Variants in HDAC8 observed in about 807,000 individuals in gnomAD.
HDAC8 encodes histone deacetylase 8.
A neutral mutation model predicts 32.2 loss-of-function variants in HDAC8; 1 was observed. The observed-to-expected ratio is 0.03, with a 90% CI of 0.01 to 0.15. The LOEUF (loss-of-function observed/expected upper bound fraction) is 0.15. Ranked by LOEUF, HDAC8 falls within the 10% of genes least tolerant of loss-of-function variation. The probability of loss-of-function intolerance (pLI) is 1.00; values close to 1 mark genes in which losing one functional copy is unlikely to be tolerated. For synonymous variants in HDAC8, 108 were observed against 113.9 expected (o/e 0.95, Z 0.33); for missense variants, 117 against 300.0 (o/e 0.39, Z 4.51).
At chrX:72,571,926 CT>C (rs1385138934) in intron 2 of HDAC8, 130 bp downstream of exon 2, 3 of 544,677 alleles carry the variant, frequency 5.5e-6, no homozygotes, top group Non-Finnish European at 8.6e-6. Context: ...ATTACAAACA[CT>C]GTGAATACTT....
intron 9 of HDAC8, among the ~76,000 whole-genome samples, chrX:72,447,353 T>C (rs187941342): frequency 1.0e-3 from 115 of 112,135 alleles, no homozygotes; most frequent in Admixed American, 3.1e-3. Flanking sequence ...ATTATCTCAA[T>C]AGATGCAGAA....
intron 10 of HDAC8, among the ~76,000 whole-genome samples, chrX:72,340,565 AAAAACCTAAATGC>A (rs2043861623): frequency 9.1e-6 from 1 of 109,671 alleles, no homozygotes; most frequent in South Asian, 3.8e-4. Context: ...CTCTTGCACA[AAAAACCTAAATGC>A]TAATATCCCC....
At chrX:72,459,592 T>C in intron 9 of HDAC8, among the ~76,000 whole-genome samples, 1 of 111,506 alleles carries the variant, frequency 9.0e-6, no homozygotes, top group African/African-American at 3.3e-5. Context: ...TACTCCTTTG[T>C]ATCCCCTTTA....
At chrX:72,337,430 C>CT (rs1316442871) in intron 10 of HDAC8, among the ~76,000 whole-genome samples, 2 of 110,403 alleles carry the variant, frequency 1.8e-5, no homozygotes, top group Admixed American at 9.6e-5. Context: ...TCCTCTTGTG[C>CT]TTTTTTTTTC....
intron 9 of HDAC8, among the ~76,000 whole-genome samples, chrX:72,456,582 T>C (rs1165707700): frequency 9.0e-6 from 1 of 111,599 alleles, no homozygotes; most frequent in Non-Finnish European, 1.9e-5. Flanking sequence ...GCGAATTACT[T>C]GAGGTCAGGA....
chrX:72,329,942 T>G lies in HDAC8; in HGVS notation c.*112A>C. ...CCCTTGGAAATTTTCAGGAAGTAAT[T>G]TCTTTCAAATTTTCCCTGCAGTCAC... is the stretch of plus-strand genomic sequence containing the variant. On this transcript the variant is annotated 3_prime_UTR_variant, in exon 11 of 11. Coordinates refer to ENST00000373573, the MANE Select transcript of HDAC8 (RefSeq NM_018486.3). The G allele has an allele frequency of 1.1e-6, 1 of 906,415 alleles. No homozygotes were observed. The highest frequency in any genetic ancestry group is 2.0e-5 in the African/African-American group (1 of 50,923). 74.7% of individuals were successfully genotyped at this position (906,415 alleles called of 1,213,427 possible). A position where few individuals can be genotyped will look rare whatever the true frequency, so the allele number is the denominator to read the frequency against.
At chrX:72,471,877 T>C (rs891839314) in intron 7 of HDAC8, among the ~76,000 whole-genome samples, 11 of 111,282 alleles carry the variant, frequency 9.9e-5, no homozygotes, top group Non-Finnish European at 1.7e-4. Flanking sequence ...TATTTCTTCT[T>C]TTTTTGCTTA....
At chrX:72,572,198 T>C in intron 1 of HDAC8, 89 bp from the exon 2 acceptor site, 2 of 896,325 alleles carry the variant, frequency 2.2e-6, no homozygotes, top group East Asian at 3.4e-5. Context: ...AATCTCACCA[T>C]CCTGAACAAA....
chrX:72,567,818 G>A (rs782774585), intron 4 of HDAC8, 71 bp downstream of exon 4: 4 of 1,208,623 alleles, frequency 3.3e-6, no homozygotes, highest in African/African-American at 1.7e-5. Context: ...AATACAATAA[G>A]CATAAGAGTT....
chrX:72,533,162 G>A (rs1333439058), intron 4 of HDAC8, among the ~76,000 whole-genome samples: 1 of 111,636 alleles, frequency 9.0e-6, no homozygotes, highest in African/African-American at 3.3e-5. Context: ...GCCAAAAATT[G>A]ACCATGGATG....
chrX:72,337,725 T>A (rs1234027657), intron 10 of HDAC8, among the ~76,000 whole-genome samples: 1 of 111,533 alleles, frequency 9.0e-6, no homozygotes, highest in Non-Finnish European at 1.9e-5. Context: ...ACAGACCACA[T>A]CACTCCTATG....
intron 9 of HDAC8, among the ~76,000 whole-genome samples, chrX:72,443,752 T>C (rs1415236957): frequency 9.3e-6 from 1 of 107,649 alleles, no homozygotes; most frequent in East Asian, 2.9e-4. Context: ...CAGGAGCTGG[T>C]TTTTTGAAAG....
intron 9 of HDAC8, among the ~76,000 whole-genome samples, chrX:72,456,264 A>G (rs2047714020): frequency 8.9e-6 from 1 of 111,899 alleles, no homozygotes; most frequent in South Asian, 3.7e-4. Context: ...TTGTGCTAAT[A>G]TATGCTGGAT....
chrX:72,343,876 T>G (rs782263255), intron 10 of HDAC8, among the ~76,000 whole-genome samples: 4 of 112,994 alleles, frequency 3.5e-5, no homozygotes, highest in Non-Finnish European at 5.6e-5. Context: ...ACTAAATGGT[T>G]ACTGTTAGGC....
In HDAC8 at chrX:72,570,666, T is replaced by C. The variant is rs782428457; in HGVS notation, c.164+1391A>G. Among the ~76,000 whole-genome samples the C allele has an allele frequency of 1.9e-4, 21 of 109,445 alleles. No individual in the cohort carries two copies. In the South Asian group the frequency reaches 8.4e-3, roughly 44 times the overall value. On this transcript the variant is annotated intron_variant, in intron 2 of 10. Coordinates refer to ENST00000373573, the MANE Select transcript of HDAC8 (RefSeq NM_018486.3). ...AAAAGGTACAAAATGATTTTGTTAA[T>C]AATAAGGATAAAATCTGAAAGCCTA...
intron 4 of HDAC8, among the ~76,000 whole-genome samples, chrX:72,502,139 G>T (rs978625910): frequency 8.9e-6 from 1 of 111,854 alleles, no homozygotes; most frequent in African/African-American, 3.3e-5. Context: ...TGGCGAGGTT[G>T]CAGAGAAAAG....
chrX:72,417,583 T>C (rs2046380195), intron 9 of HDAC8, among the ~76,000 whole-genome samples: 1 of 111,813 alleles, frequency 8.9e-6, no homozygotes, highest in African/African-American at 3.2e-5. Flanking sequence ...CACAAACAAA[T>C]GGAAAAACAT....
chrX:72,340,713 A>G (rs2043866073), intron 10 of HDAC8, among the ~76,000 whole-genome samples: 1 of 111,656 alleles, frequency 9.0e-6, no homozygotes, highest in African/African-American at 3.3e-5. Context: ...GGCAGGCACA[A>G]TCTATTAACT....
chrX:72,432,034 G>A (rs2046833280), intron 9 of HDAC8, among the ~76,000 whole-genome samples: 1 of 111,406 alleles, frequency 9.0e-6, no homozygotes, highest in Admixed American at 9.5e-5. Context: ...GCAGCGGCAT[G>A]ATCATAGCTC....
Sources: allele counts gnomAD v4.1 joint callset (sites outside exome capture counted in the v4.1 genomes callset), GRCh38; gene constraint gnomAD v4.1.1; transcripts MANE v1.5; gene names NCBI Gene and HGNC (gene_info 2026-07-23, HGNC 2026-07-21).